The following INPP4B variants were observed in gnomAD, a reference collection of about 807,000 sequenced individuals.
The protein encoded by INPP4B is inositol polyphosphate 4-phosphatase type II.
A neutral mutation model predicts 122.5 loss-of-function variants in INPP4B; 55 were observed. The observed-to-expected ratio is 0.45, with a 90% CI of 0.36 to 0.56. INPP4B has a LOEUF of 0.56. Ranked by LOEUF, INPP4B falls within the 20% of genes least tolerant of loss-of-function variation. The pLI is 0.00. For missense variants in INPP4B, 1,000 were observed against 1,097.7 expected, an observed-to-expected ratio of 0.91 and a Z score of 1.26; for synonymous variants, 403 against 388.7, an observed-to-expected ratio of 1.04 and a Z score of -0.43.
intron 23 of INPP4B, among the ~76,000 whole-genome samples, chr4:142,093,295 T>C (rs1007231247): frequency 1.3e-5 from 2 of 152,176 alleles, no homozygotes; most frequent in Non-Finnish European, 2.9e-5. Context: ...TCCTTTCATC[T>C]GAAGGTCATG....
At chr4:142,630,502 G>T (rs1167626976) in intron 2 of INPP4B, among the ~76,000 whole-genome samples, 2 of 151,990 alleles carry the variant, frequency 1.3e-5, no homozygotes, top group African/African-American at 4.8e-5. Flanking sequence ...CTCTATTAAG[G>T]CTTCTACTTC....
rs1560996729 is a variant in INPP4B, at chr4:142,720,795, CTCTCTCTCTCTCTCTATATAT to C, written c.-191+5023_-191+5043del. Among the ~76,000 whole-genome samples, 10 of 33,604 alleles carry C rather than the reference CTCTCTCTCTCTCTCTATATAT, an allele frequency of 3.0e-4. No homozygotes were observed. In the East Asian group the frequency reaches 6.8e-3, roughly 23 times the overall value. The allele number at this position is 33,604 out of a possible 152,430, so 22.0% of individuals were successfully genotyped here. ...TCTCTCTCTCTCTCTCTCTCTCTCT[CTCTCTCTCTCTCTCTATATAT>C]ATATATATATATAGTTTTCTTATTT... On this transcript the variant is annotated intron_variant, in intron 2 of 25. Coordinates refer to ENST00000262992, the MANE Select transcript of INPP4B (RefSeq NM_001101669.3).
At chr4:142,772,982 G>T (rs1262896368) in intron 1 of INPP4B, among the ~76,000 whole-genome samples, 1 of 152,074 alleles carries the variant, frequency 6.6e-6, no homozygotes. Flanking sequence ...GGAGTCAGAG[G>T]TTGCAGTGAG....
rs530409342 is a variant in INPP4B at position 142,634,618 on chromosome 4, C to A, written c.-191+91221G>T. Reference sequence around the variant, plus strand: ...TCTCCATATATATTAAAACATTTAACCAAATTTACCATTTATTCCTGATTA... The same window carrying A: ...TCTCCATATATATTAAAACATTTAAACAAATTTACCATTTATTCCTGATTA... On this transcript the variant is annotated intron_variant, in intron 2 of 25. Coordinates refer to ENST00000262992, the MANE Select transcript of INPP4B (RefSeq NM_001101669.3). Among the ~76,000 whole-genome samples the A allele has an allele frequency of 2.2e-4, 34 of 152,086 alleles. No homozygotes were observed. In the South Asian group the frequency reaches 7.1e-3, roughly 32 times the overall value.
chr4:142,090,356 C>T lies in INPP4B; in HGVS notation c.2375-4100G>A, dbSNP rs543604352. ...CTATAGTGACAAAACTTGCTTTATT[C>T]AGAGCACACCTCTATCAACCCAATA... On this transcript the variant is annotated intron_variant, in intron 23 of 25. Transcript: ENST00000262992. Among the ~76,000 whole-genome samples the T allele has an allele frequency of 3.3e-4, 49 of 150,164 alleles. No individual in the cohort carries two copies. The South Asian group carries it at 4.0e-3, about 12-fold the overall frequency.
rs188798741 is a variant in INPP4B, at chr4:142,548,071, A to T, written c.-190-85345T>A. Among the ~76,000 whole-genome samples the T allele has an allele frequency of 1.4e-3, 220 of 152,254 alleles. 2 individuals carry two copies. Among genetic ancestry groups the T allele is most frequent in the African/African-American group, 5.0e-3 (209 of 41,562 alleles). ...ACTTGAGGTGGGAAAATAGGCTGTG[A>T]CTCTGGCCAACGTTAAGCTTGGAGA... On this transcript the variant is annotated intron_variant, in intron 2 of 25. Coordinates refer to ENST00000262992, the MANE Select transcript of INPP4B (RefSeq NM_001101669.3).
intron 25 of INPP4B, among the ~76,000 whole-genome samples, chr4:142,066,344 A>G (rs1488652822): frequency 6.6e-6 from 1 of 152,206 alleles, no homozygotes; most frequent in Non-Finnish European, 1.5e-5. Flanking sequence ...TTGTATCTCA[A>G]AAAAGATGTT....
chr4:142,709,503 T>A (rs1762857582), intron 2 of INPP4B, among the ~76,000 whole-genome samples: 2 of 152,134 alleles, frequency 1.3e-5, no homozygotes, highest in African/African-American at 4.8e-5. Context: ...GGGGGCAGAC[T>A]TCCCCCTTGC....
chr4:142,793,534 T>C (rs1267721053), intron 1 of INPP4B, among the ~76,000 whole-genome samples: 1 of 152,072 alleles, frequency 6.6e-6, no homozygotes, highest in Non-Finnish European at 1.5e-5. Flanking sequence ...AATGTATCTG[T>C]AAGGATTTTC....
intron 2 of INPP4B, among the ~76,000 whole-genome samples, chr4:142,681,488 T>G (rs897584885): frequency 2.0e-5 from 3 of 151,850 alleles, no homozygotes; most frequent in Non-Finnish European, 4.4e-5. Flanking sequence ...GTCAAGTGTT[T>G]AAAGCTTAAA....
chr4:142,414,435 A>T (rs1425422661), intron 5 of INPP4B, among the ~76,000 whole-genome samples: 2 of 152,232 alleles, frequency 1.3e-5, no homozygotes, highest in Admixed American at 1.3e-4. Flanking sequence ...GAAAAACAAC[A>T]CAACCTCTGC....
At chr4:142,473,555 A>T (rs2149699390) in intron 2 of INPP4B, 1 of 152,792 alleles carries the variant, frequency 6.5e-6, no homozygotes, top group South Asian at 2.1e-4. Context: ...GGGAACTCTA[A>T]AAGACTTTGG....
intron 7 of INPP4B, among the ~76,000 whole-genome samples, chr4:142,399,859 C>G (rs960325520): frequency 7.9e-5 from 12 of 152,068 alleles, no homozygotes; most frequent in Non-Finnish European, 1.6e-4. Flanking sequence ...CCCACCCCTC[C>G]CCCACCTGCT....
At chr4:142,539,912 A>G (rs1828736652) in intron 2 of INPP4B, among the ~76,000 whole-genome samples, 1 of 152,032 alleles carries the variant, frequency 6.6e-6, no homozygotes, top group Non-Finnish European at 1.5e-5. Flanking sequence ...GAAACGAACA[A>G]TTGCAGGAGG....
At chr4:142,548,224 A>G (rs1405214554) in intron 2 of INPP4B, among the ~76,000 whole-genome samples, 4 of 152,190 alleles carry the variant, frequency 2.6e-5, no homozygotes, top group African/African-American at 4.8e-5. Context: ...TGACAGAGCA[A>G]TGTTTCCAGC....
At chr4:142,172,427 C>G in intron 16 of INPP4B, among the ~76,000 whole-genome samples, 1 of 151,862 alleles carries the variant, frequency 6.6e-6, no homozygotes, top group East Asian at 1.9e-4. Context: ...CCCTATTTGA[C>G]GCAAAGTAAG....
At chr4:142,824,131 C>A (rs1781138181) in intron 1 of INPP4B, among the ~76,000 whole-genome samples, 1 of 152,014 alleles carries the variant, frequency 6.6e-6, no homozygotes, top group African/African-American at 2.4e-5. Flanking sequence ...CATGGCCCCC[C>A]CAGGTTCTCA....
intron 25 of INPP4B, chr4:142,029,807 A>C (rs1738663467): frequency 9.9e-7 from 1 of 1,007,256 alleles, no homozygotes; most frequent in Non-Finnish European, 1.2e-6. Flanking sequence ...TTCTTTAATA[A>C]ATTTAGTGGG....
rs547379633 is a variant in INPP4B, at chr4:142,756,591, T to C, written c.-253-30690A>G. On this transcript the variant is annotated intron_variant, in intron 1 of 25. Coordinates refer to ENST00000262992, the MANE Select transcript of INPP4B (RefSeq NM_001101669.3). ...TCCAAACTCTGTGGGCATAGATTAT[T>C]ATAACTTAGAAAGGAAAGGTGATTC... is the stretch of plus-strand genomic sequence containing the variant. 1.6e-4 allele frequency among the ~76,000 whole-genome samples: 25 copies of C among 152,150 alleles called. No individual in the cohort carries two copies. The South Asian group carries it at 5.0e-3, about 30-fold the overall frequency.
Sources: gnomAD v4.1 joint callset for allele counts (sites outside exome capture counted in the v4.1 genomes callset) on GRCh38, gnomAD v4.1.1 for gene constraint, MANE v1.5 for transcripts, NCBI Gene and HGNC (gene_info 2026-07-23, HGNC 2026-07-21) for gene names.